The following ZNF626 variants were observed in gnomAD, a reference collection of about 807,000 sequenced individuals.
ZNF626 encodes zinc finger protein 626, also known as CTC-513N18.7.
A neutral mutation model predicts 11.7 loss-of-function variants in ZNF626; 4 were observed. The ratio of observed to expected loss-of-function variants is 0.34; its 90% CI spans 0.17 to 0.78. The LOEUF is 0.78. Ranked by LOEUF, ZNF626 falls within the 30% of genes least tolerant of loss-of-function variation. ZNF626 has a pLI of 0.57. For synonymous variants in ZNF626, 179 were observed against 198.6 expected (o/e 0.90, Z 0.83); for missense variants, 588 against 587.1 (o/e 1.00, Z -0.01).
chr19:20,647,039 G>A (rs1970087832), intron 1 of ZNF626, among the ~76,000 whole-genome samples: 1 of 151,998 alleles, frequency 6.6e-6, no homozygotes, highest in Non-Finnish European at 1.5e-5. Context: ...TAGTAGAGAT[G>A]GTGTTTATGT....
At chr19:20,640,657 T>C (rs1970014515) in intron 3 of ZNF626, among the ~76,000 whole-genome samples, 1 of 108,398 alleles carries the variant, frequency 9.2e-6, no homozygotes, top group African/African-American at 4.4e-5. Context: ...TATAGAGAAA[T>C]GAAAAAAAAA....
chr19:20,642,795 A>G (rs1456196346), intron 3 of ZNF626, among the ~76,000 whole-genome samples: 1 of 152,036 alleles, frequency 6.6e-6, no homozygotes, highest in Non-Finnish European at 1.5e-5. Context: ...AGGCGGGCGG[A>G]TCACCTGAGG....
At chr19:20,654,110 T>C (rs1970178159) in intron 1 of ZNF626, among the ~76,000 whole-genome samples, 1 of 152,164 alleles carries the variant, frequency 6.6e-6, no homozygotes, top group South Asian at 2.1e-4. Flanking sequence ...TTTAATGAAC[T>C]AGTCATAATG....
At chr19:20,639,865 C>T (rs80280556) in intron 3 of ZNF626, among the ~76,000 whole-genome samples, 7,214 of 152,250 alleles carry the variant, frequency 0.047, 199 homozygotes, top group Non-Finnish European at 0.049. Context: ...ATATGAAACA[C>T]ACTCTTCAAC....
chr19:20,627,347 T>C (rs1969848943), intron 3 of ZNF626, among the ~76,000 whole-genome samples: 1 of 152,068 alleles, frequency 6.6e-6, no homozygotes, highest in Admixed American at 6.5e-5. Flanking sequence ...TGTATTCAAC[T>C]GAAGTTTATT....
At chr19:20,631,229 G>T (rs1185246216) in intron 3 of ZNF626, among the ~76,000 whole-genome samples, 4 of 151,880 alleles carry the variant, frequency 2.6e-5, no homozygotes, top group African/African-American at 9.7e-5. Context: ...GTGGTGTGGT[G>T]CTGAAAATAA....
intron 3 of ZNF626, among the ~76,000 whole-genome samples, chr19:20,629,155 T>A (rs1441070515): frequency 6.6e-6 from 1 of 152,222 alleles, no homozygotes; most frequent in African/African-American, 2.4e-5. Context: ...TCTGGTTTGG[T>A]ACCAGTACCA....
rs782605103 is a variant in ZNF626 at position 20,625,123 on chromosome 19, TATG to T, written c.751_753del (p.His251del). 5.6e-6 allele frequency: 9 copies of T among 1,613,084 alleles called. No individual in the cohort carries two copies. Among genetic ancestry groups the T allele is most frequent in the Non-Finnish European group, 7.6e-6 (9 of 1,179,804 alleles). ...TCACACTTGTAGGGTTTCTCTCCAGTATGATTTCTCTTATGTGTAGTAAGAGTG... is the reference window on the plus strand; with the variant it reads ...TCACACTTGTAGGGTTTCTCTCCAGTATTTCTCTTATGTGTAGTAAGAGTG... On this transcript the variant is annotated inframe_deletion, in exon 4 of 4. Coordinates refer to ENST00000601440, the MANE Select transcript of ZNF626 (RefSeq NM_001076675.3).
chr19:20,628,009 T>C (rs928732790), intron 3 of ZNF626, among the ~76,000 whole-genome samples: 19 of 152,200 alleles, frequency 1.2e-4, no homozygotes, highest in African/African-American at 4.3e-4. Context: ...AATTCCCACC[T>C]ATTAGTGAGA....
intron 3 of ZNF626, among the ~76,000 whole-genome samples, chr19:20,639,555 T>C (rs1555771222): frequency 1.3e-5 from 2 of 152,114 alleles, no homozygotes; most frequent in African/African-American, 4.8e-5. Flanking sequence ...CTGGGCAACG[T>C]AGTCAGATCC....
intron 3 of ZNF626, among the ~76,000 whole-genome samples, chr19:20,626,009 TC>T (rs1246809200): frequency 6.6e-6 from 1 of 152,146 alleles, no homozygotes; most frequent in Non-Finnish European, 1.5e-5. Flanking sequence ...ACGCCTGTAG[TC>T]CCAGCATGTT....
chr19:20,633,167 C>T (rs1393808967), intron 3 of ZNF626, among the ~76,000 whole-genome samples: 7 of 152,110 alleles, frequency 4.6e-5, no homozygotes, highest in East Asian at 1.9e-4. Flanking sequence ...GAGGAGTACC[C>T]GGCCGTGTCA....
In ZNF626 at chr19:20,661,534, G is replaced by GAAGTT; in HGVS notation, c.-89_-88insAACTT. ...GGCCACACAGCCTGGGCCTTTAGGAGAAGAACCAGACCTGGAGCTCTGACT... is the reference window on the plus strand; with the variant it reads ...GGCCACACAGCCTGGGCCTTTAGGAGAAGTTAAGAACCAGACCTGGAGCTCTGACT... On this transcript the variant is annotated 5_prime_UTR_variant, in exon 1 of 4. Coordinates refer to ENST00000601440, the MANE Select transcript of ZNF626 (RefSeq NM_001076675.3). 9 of 1,492,356 alleles carry GAAGTT rather than the reference G, an allele frequency of 6.0e-6. No homozygotes were observed. Among genetic ancestry groups the GAAGTT allele is most frequent in the East Asian group, 2.3e-5 (1 of 43,710 alleles). The allele number at this position is 1,492,356 out of a possible 1,614,324, so 92.4% of individuals were successfully genotyped here.
chr19:20,638,693 A>G (rs1555771143), intron 3 of ZNF626, among the ~76,000 whole-genome samples: 1 of 152,010 alleles, frequency 6.6e-6, no homozygotes, highest in African/African-American at 2.4e-5. Context: ...ATTATGACAA[A>G]GTTAGTTGAT....
intron 3 of ZNF626, among the ~76,000 whole-genome samples, chr19:20,631,943 T>G (rs1449533634): frequency 6.6e-6 from 1 of 151,944 alleles, no homozygotes; most frequent in Non-Finnish European, 1.5e-5. Context: ...CTCCTTTCCA[T>G]GTTTAGTGCT....
At chr19:20,645,847 C>T in intron 2 of ZNF626, 68 bp from the exon 3 acceptor site, 1 of 1,190,478 alleles carries the variant, frequency 8.4e-7, no homozygotes. Flanking sequence ...GTAATGTGCT[C>T]AGCACAGAGG....
At chr19:20,653,368 A>C (rs1479254060) in intron 1 of ZNF626, among the ~76,000 whole-genome samples, 1 of 152,238 alleles carries the variant, frequency 6.6e-6, no homozygotes, top group Non-Finnish European at 1.5e-5. Context: ...AAAGATAGAA[A>C]GATGGTCACC....
Position 20,624,037 on chromosome 19 carries a change from A to G in ZNF626, c.*253T>C. On this transcript the variant is annotated 3_prime_UTR_variant, in exon 4 of 4. Coordinates refer to ENST00000601440, the MANE Select transcript of ZNF626 (RefSeq NM_001076675.3). ...TTCACATGGTTTCTCTCCAGTATGA[A>G]TTATCTTATGTGCAGTAAGGTGTGA... 2.9e-6 allele frequency: 2 copies of G among 698,604 alleles called. No individual in the cohort carries two copies. Among genetic ancestry groups the G allele is most frequent in the Non-Finnish European group, 5.1e-6 (2 of 392,900 alleles). 43.3% of individuals were successfully genotyped at this position (698,604 alleles called of 1,614,324 possible).
At chr19:20,660,534 C>T (rs1970254651) in intron 1 of ZNF626, among the ~76,000 whole-genome samples, 1 of 152,132 alleles carries the variant, frequency 6.6e-6, no homozygotes, top group African/African-American at 2.4e-5. Context: ...TCAAGCAATT[C>T]TCGTGCCTCA....
Sources: gnomAD v4.1 joint callset for allele counts (sites outside exome capture counted in the v4.1 genomes callset) on GRCh38, gnomAD v4.1.1 for gene constraint, MANE v1.5 for transcripts, NCBI Gene and HGNC (gene_info 2026-07-23, HGNC 2026-07-21) for gene names.